The following RBMS3 variants were observed in gnomAD, a reference collection of about 807,000 sequenced individuals.
RBMS3 encodes RNA-binding motif, single-stranded-interacting protein 3.
Under a neutral mutation model 66.8 loss-of-function variants are expected in RBMS3, and 27 were observed. That is an observed-to-expected ratio of 0.40 (90% confidence interval 0.30 to 0.56). The LOEUF is 0.56. Ranked by LOEUF, RBMS3 falls within the 20% of genes least tolerant of loss-of-function variation. RBMS3 has a pLI of 0.40. For missense variants in RBMS3, 513 were observed against 549.5 expected (o/e 0.93, Z 0.66); for synonymous variants, 188 against 183.0 (o/e 1.03, Z -0.22).
intron 2 of RBMS3, among the ~76,000 whole-genome samples, chr3:29,461,511 A>G (rs921168395): frequency 7.9e-5 from 12 of 152,372 alleles, no homozygotes; most frequent in Non-Finnish European, 1.2e-4. Context: ...AATTGCAGAA[A>G]GAAGCTTTGA....
chr3:29,555,690 AAC>A (rs2046334504), intron 3 of RBMS3, among the ~76,000 whole-genome samples: 2 of 152,188 alleles, frequency 1.3e-5, no homozygotes, highest in South Asian at 2.1e-4. Context: ...TGTGCATTTT[AAC>A]AGTGTTACTC....
chr3:29,630,916 A>G (rs2149175421), intron 4 of RBMS3, among the ~76,000 whole-genome samples: 1 of 152,068 alleles, frequency 6.6e-6, no homozygotes, highest in East Asian at 1.9e-4. Flanking sequence ...AATGACTGGG[A>G]AGGGAGTTTT....
At chr3:29,836,880 G>A (rs1015230071) in intron 6 of RBMS3, among the ~76,000 whole-genome samples, 1 of 151,776 alleles carries the variant, frequency 6.6e-6, no homozygotes, top group Non-Finnish European at 1.5e-5. Context: ...CTGGGGTGGG[G>A]AGAAAACCTC....
intron 5 of RBMS3, among the ~76,000 whole-genome samples, chr3:29,745,597 G>A (rs2054854384): frequency 6.6e-6 from 1 of 152,022 alleles, no homozygotes. Flanking sequence ...ATGGGTGGGG[G>A]ACAGGGGGAG....
At position 29,498,079 on chromosome 3, in the gene RBMS3, C is replaced by A. The variant is rs141580261; in HGVS notation, c.307+9580C>A. ...GTGCGATCTCAGTTCACCGCAACCT[C>A]CGCCTCCCGGGTTCAAACGATTCTC... On this transcript the variant is annotated intron_variant, in intron 3 of 14. Coordinates refer to ENST00000383767, the MANE Select transcript of RBMS3 (RefSeq NM_001003793.3). Among the ~76,000 whole-genome samples the A allele has an allele frequency of 2.8e-3, 393 of 142,876 alleles. 2 individuals are homozygous for A. The highest frequency in any genetic ancestry group is 4.6e-3 in the Admixed American group (62 of 13,514). 93.7% of individuals were successfully genotyped at this position (142,876 alleles called of 152,430 possible). A position where few individuals can be genotyped will look rare whatever the true frequency, so the allele number is the denominator to read the frequency against.
chr3:29,317,502 A>G (rs1344321154), intron 1 of RBMS3, among the ~76,000 whole-genome samples: 1 of 151,766 alleles, frequency 6.6e-6, no homozygotes, highest in Non-Finnish European at 1.5e-5. Flanking sequence ...AGCCATTCAG[A>G]AGCCGCAGAG....
chr3:29,928,180 TTATATATATATATATA>T (rs1199975605), intron 10 of RBMS3, among the ~76,000 whole-genome samples: 1 of 102,588 alleles, frequency 9.7e-6, no homozygotes, highest in African/African-American at 4.1e-5. Context: ...TCTTCAAATT[TTATATATATATATATA>T]TATATATATA....
chr3:29,917,062 T>C (rs999905875), intron 10 of RBMS3, among the ~76,000 whole-genome samples: 3 of 152,106 alleles, frequency 2.0e-5, no homozygotes, highest in African/African-American at 4.8e-5. Flanking sequence ...CATTCCTCTA[T>C]TCATTCAACA....
chr3:29,654,540 GTGTGT>G (rs2050255486), intron 4 of RBMS3, among the ~76,000 whole-genome samples: 2 of 149,254 alleles, frequency 1.3e-5, no homozygotes, highest in Non-Finnish European at 3.0e-5. Context: ...GTGTGTGTGT[GTGTGT>G]GTGTGTGTGT....
chr3:29,799,610 G>A (rs2057325032), intron 6 of RBMS3, among the ~76,000 whole-genome samples: 1 of 152,114 alleles, frequency 6.6e-6, no homozygotes, highest in South Asian at 2.1e-4. Context: ...GTGAAACTAA[G>A]CATGACCCCC....
chr3:29,444,939 A>C (rs2041769276), intron 2 of RBMS3, among the ~76,000 whole-genome samples: 1 of 148,638 alleles, frequency 6.7e-6, no homozygotes, highest in Non-Finnish European at 1.5e-5. Context: ...CATTTCAGTA[A>C]CTCCTCTTTC....
chr3:29,459,974 A>G (rs1349858879), intron 2 of RBMS3, among the ~76,000 whole-genome samples: 1 of 152,188 alleles, frequency 6.6e-6, no homozygotes, highest in East Asian at 1.9e-4. Context: ...TACTTCTAAT[A>G]AGACACACTC....
At position 29,488,432 on chromosome 3, in the gene RBMS3, C is replaced by CTT. The variant is rs1559404264; in HGVS notation, c.249-8_249-7insTT. The CTT allele has an allele frequency of 6.3e-7, 1 of 1,598,340 alleles. No homozygotes were observed. Among genetic ancestry groups the CTT allele is most frequent in the South Asian group, 1.1e-5 (1 of 90,704 alleles). On this transcript the variant is annotated splice_polypyrimidine_tract_variant and intron_variant, in intron 2 of 14. Transcript: ENST00000383767. ...ATAACATGGGTTTTTTTCTCTCTCT[C>CTT]TCTTTCAGGTATGGAAAAATTGTAT... is the stretch of plus-strand genomic sequence containing the variant.
intron 1 of RBMS3, among the ~76,000 whole-genome samples, chr3:29,421,391 G>A (rs567375224): frequency 1.3e-5 from 2 of 152,068 alleles, no homozygotes; most frequent in Non-Finnish European, 2.9e-5. Context: ...CCCACAAAAT[G>A]TTCTTGCAGG....
At chr3:29,939,284 A>C (rs988904782) in intron 11 of RBMS3, among the ~76,000 whole-genome samples, 45 of 152,006 alleles carry the variant, frequency 3.0e-4, no homozygotes, top group African/African-American at 1.1e-3. Context: ...TATCATAAAC[A>C]TACTCATACT....
intron 14 of RBMS3, among the ~76,000 whole-genome samples, chr3:29,997,008 G>C (rs1219029351): frequency 6.6e-6 from 1 of 151,730 alleles, no homozygotes; most frequent in Non-Finnish European, 1.5e-5. Flanking sequence ...CAAAAAAATT[G>C]ATAGACCGCT....
chr3:29,293,617 T>C (rs995921013), intron 1 of RBMS3, among the ~76,000 whole-genome samples: 13 of 151,854 alleles, frequency 8.6e-5, no homozygotes, highest in Non-Finnish European at 1.9e-4. Context: ...TCTCCATCCT[T>C]GTTTTATTTA....
chr3:29,852,553 T>C (rs1217218449), intron 6 of RBMS3, among the ~76,000 whole-genome samples: 5 of 152,024 alleles, frequency 3.3e-5, no homozygotes, highest in Non-Finnish European at 7.4e-5. Context: ...TTCAAACATA[T>C]GAAAAAAAGC....
chr3:29,637,134 C>T (rs1285919754), intron 4 of RBMS3, among the ~76,000 whole-genome samples: 1 of 151,766 alleles, frequency 6.6e-6, no homozygotes, highest in Non-Finnish European at 1.5e-5. Context: ...CCATTTTTTT[C>T]TTGTTGCTCA....
Sources: gnomAD v4.1 joint callset for allele counts (sites outside exome capture counted in the v4.1 genomes callset) on GRCh38, gnomAD v4.1.1 for gene constraint, MANE v1.5 for transcripts, NCBI Gene and HGNC (gene_info 2026-07-23, HGNC 2026-07-21) for gene names.